The following GALNTL6 variants were observed in gnomAD, a reference collection of about 807,000 sequenced individuals.
GALNTL6 encodes polypeptide N-acetylgalactosaminyltransferase like 6.
Under a neutral mutation model 73.7 loss-of-function variants are expected in GALNTL6, and 46 were observed. That is an observed-to-expected ratio of 0.62 (90% CI 0.49 to 0.80). The LOEUF is 0.80. Among genes scored for constraint, GALNTL6 ranks in the 30% least tolerant of loss-of-function variants. The pLI is 0.00. For missense variants in GALNTL6, 604 were observed against 755.0 expected, an observed-to-expected ratio of 0.80 and a Z score of 2.34; for synonymous variants, 259 against 263.7, an observed-to-expected ratio of 0.98 and a Z score of 0.17.
At chr4:172,138,168 A>G (rs1298658028) in intron 2 of GALNTL6, among the ~76,000 whole-genome samples, 2 of 151,822 alleles carry the variant, frequency 1.3e-5, no homozygotes, top group African/African-American at 4.8e-5. Flanking sequence ...GGTTGAAAAA[A>G]CTTATAACTT....
At chr4:172,419,574 C>A (rs1033334335) in intron 5 of GALNTL6, among the ~76,000 whole-genome samples, 1 of 152,094 alleles carries the variant, frequency 6.6e-6, no homozygotes, top group Non-Finnish European at 1.5e-5. Context: ...TAAGCTACTG[C>A]CCATAAACGT....
intron 5 of GALNTL6, among the ~76,000 whole-genome samples, chr4:172,671,535 G>C (rs1179009122): frequency 6.6e-6 from 1 of 152,178 alleles, no homozygotes; most frequent in African/African-American, 2.4e-5. Flanking sequence ...TGCTGAAGTT[G>C]TTTATCAGCT....
intron 2 of GALNTL6, among the ~76,000 whole-genome samples, chr4:172,187,475 A>G (rs1398711610): frequency 2.0e-5 from 3 of 152,216 alleles, no homozygotes; most frequent in Non-Finnish European, 4.4e-5. Context: ...CAAATTCATT[A>G]GTGTTCATTA....
chr4:172,970,611 C>G (rs993391260), intron 10 of GALNTL6, among the ~76,000 whole-genome samples: 1 of 152,206 alleles, frequency 6.6e-6, no homozygotes, highest in African/African-American at 2.4e-5. Context: ...GTTGTCTTCC[C>G]TTGTTCCCTG....
At chr4:172,309,277 C>CA (rs1554012737) in intron 3 of GALNTL6, among the ~76,000 whole-genome samples, 1 of 150,890 alleles carries the variant, frequency 6.6e-6, no homozygotes, top group Non-Finnish European at 1.5e-5. Context: ...AAGAAAGATA[C>CA]TTTTTTTTTG....
At chr4:171,923,421 G>A (rs147507065) in intron 2 of GALNTL6, among the ~76,000 whole-genome samples, 4,615 of 133,378 alleles carry the variant, frequency 0.035, 243 homozygotes, top group East Asian at 0.2. Flanking sequence ...TTTTTGAGAC[G>A]GAGTCTCGCT....
At chr4:172,859,597 A>G (rs56012009) in intron 7 of GALNTL6, among the ~76,000 whole-genome samples, 11,129 of 152,236 alleles carry the variant, frequency 0.073, 577 homozygotes, top group African/African-American at 0.14. Context: ...CACTATAACT[A>G]TCCACTACAG....
chr4:172,068,562 C>T (rs1249944621), intron 2 of GALNTL6, among the ~76,000 whole-genome samples: 2 of 110,316 alleles, frequency 1.8e-5, no homozygotes, highest in Non-Finnish European at 4.0e-5. Context: ...TTTATCTCCT[C>T]CTATGAAAGG....
chr4:172,793,389 G>A (rs1032167912), intron 5 of GALNTL6, among the ~76,000 whole-genome samples: 1 of 152,060 alleles, frequency 6.6e-6, no homozygotes, highest in Non-Finnish European at 1.5e-5. Context: ...AGTAGCCTTG[G>A]TAAAACACTA....
chr4:171,913,005 T>C (rs1560838219), intron 2 of GALNTL6, among the ~76,000 whole-genome samples: 1 of 152,200 alleles, frequency 6.6e-6, no homozygotes, highest in Admixed American at 6.5e-5. Flanking sequence ...GCAATAAACA[T>C]GTGGGTGCAG....
At chr4:171,909,856 G>T (rs1267248948) in intron 2 of GALNTL6, among the ~76,000 whole-genome samples, 1 of 152,112 alleles carries the variant, frequency 6.6e-6, no homozygotes, top group Non-Finnish European at 1.5e-5. Context: ...TATTTAGGCA[G>T]ACTGCAGTTT....
At chr4:172,583,640 G>A (rs907150651) in intron 5 of GALNTL6, among the ~76,000 whole-genome samples, 3 of 152,030 alleles carry the variant, frequency 2.0e-5, no homozygotes, top group South Asian at 2.1e-4. Flanking sequence ...GGTGGCTCAC[G>A]CCTATAATCC....
At chr4:172,329,213 A>G (rs1228268407) in intron 4 of GALNTL6, among the ~76,000 whole-genome samples, 1 of 152,204 alleles carries the variant, frequency 6.6e-6, no homozygotes, top group Admixed American at 6.5e-5. Flanking sequence ...GGGCTGCAAG[A>G]CAGCAAAGAT....
Position 173,018,583 on chromosome 4 carries a change from A to G in GALNTL6, c.1489-2893A>G, listed in dbSNP as rs566409016. On this transcript the variant is annotated intron_variant, in intron 11 of 12. Coordinates refer to ENST00000506823, the MANE Select transcript of GALNTL6 (RefSeq NM_001034845.3). ...ATGAAATAGGTAAGGGATGGAAAGG[A>G]GTAAGCAGTTCAAAGAGGATGGCTT... Among the ~76,000 whole-genome samples, 4 of 152,356 alleles carry G rather than the reference A, an allele frequency of 2.6e-5. No individual in the cohort carries two copies. In the South Asian group the frequency reaches 8.3e-4, roughly 32 times the overall value.
intron 4 of GALNTL6, among the ~76,000 whole-genome samples, chr4:172,341,485 G>A (rs1741565997): frequency 6.7e-6 from 1 of 148,364 alleles, no homozygotes; most frequent in Admixed American, 6.7e-5. Context: ...AAATGTAGTT[G>A]TTTAGTTGGT....
At chr4:172,150,357 C>T (rs1734045321) in intron 2 of GALNTL6, among the ~76,000 whole-genome samples, 1 of 151,986 alleles carries the variant, frequency 6.6e-6, no homozygotes, top group South Asian at 2.1e-4. Flanking sequence ...ACTGAATAAA[C>T]CAGAGGATGA....
chr4:172,308,479 G>A (rs933641054), intron 3 of GALNTL6, among the ~76,000 whole-genome samples: 2 of 151,972 alleles, frequency 1.3e-5, no homozygotes, highest in African/African-American at 2.4e-5. Context: ...GTCATAAATG[G>A]CTTTTATTAC....
chr4:172,185,038 T>C (rs7684208), intron 2 of GALNTL6, among the ~76,000 whole-genome samples: 9,803 of 152,222 alleles, frequency 0.064, 514 homozygotes, highest in African/African-American at 0.15. Flanking sequence ...GCAGGTGAGT[T>C]CCATGTTTTT....
intron 10 of GALNTL6, among the ~76,000 whole-genome samples, chr4:172,998,698 T>C (rs2126471669): frequency 6.6e-6 from 1 of 152,218 alleles, no homozygotes; most frequent in Admixed American, 6.5e-5. Flanking sequence ...CTCTATGAAA[T>C]TTGACACTGC....
Sources: gnomAD v4.1 joint callset for allele counts (sites outside exome capture counted in the v4.1 genomes callset) on GRCh38, gnomAD v4.1.1 for gene constraint, MANE v1.5 for transcripts, NCBI Gene and HGNC (gene_info 2026-07-23, HGNC 2026-07-21) for gene names.